The following GALNT13 variants were observed in gnomAD, a reference collection of about 807,000 sequenced individuals.
The protein encoded by GALNT13 is UDP-GalNAc:polypeptide N-acetylgalactosaminyltransferase 13.
Under a neutral mutation model 64.2 loss-of-function variants are expected in GALNT13, and 28 were observed. The ratio of observed to expected loss-of-function variants is 0.44; its 90% CI spans 0.32 to 0.60. The LOEUF (loss-of-function observed/expected upper bound fraction) is 0.60. Among genes scored for constraint, GALNT13 ranks in the 20% least tolerant of loss-of-function variants. GALNT13 has a pLI of 0.05. For missense variants in GALNT13, 577 were observed against 669.8 expected (o/e 0.86, Z 1.53); for synonymous variants, 214 against 224.6 (o/e 0.95, Z 0.42).
intron 3 of GALNT13, among the ~76,000 whole-genome samples, chr2:154,057,923 T>C (rs191908929): frequency 6.6e-6 from 1 of 152,292 alleles, no homozygotes; most frequent in Non-Finnish European, 1.5e-5. Flanking sequence ...AATATATTAA[T>C]TTATCCGTTT....
chr2:153,367,028 A>G, the GALNT13 span, among the ~76,000 whole-genome samples: 3 of 150,200 alleles, frequency 2.0e-5, no homozygotes, highest in African/African-American at 7.3e-5. Flanking sequence ...AAAAAAAAAC[A>G]AGGAAATTCA....
At chr2:153,995,033 A>T (rs1412377274) in intron 3 of GALNT13, among the ~76,000 whole-genome samples, 1 of 152,054 alleles carries the variant, frequency 6.6e-6, no homozygotes, top group Admixed American at 6.6e-5. Context: ...TTTTTATCTT[A>T]TTGAGAAATA....
At chr2:153,658,947 C>T in the GALNT13 span, among the ~76,000 whole-genome samples, 1 of 151,892 alleles carries the variant, frequency 6.6e-6, no homozygotes, top group African/African-American at 2.4e-5. Context: ...ATATATTTGT[C>T]ATTTCAATAT....
At chr2:153,097,140 A>G in the GALNT13 span, among the ~76,000 whole-genome samples, 1,261 of 152,272 alleles carry the variant, frequency 8.3e-3, 18 homozygotes, top group African/African-American at 0.029. Flanking sequence ...GCAAAAGGAA[A>G]ACTAATAAAA....
chr2:153,987,790 G>A (rs773509353), intron 3 of GALNT13, among the ~76,000 whole-genome samples: 9 of 151,736 alleles, frequency 5.9e-5, no homozygotes, highest in Admixed American at 1.3e-4. Context: ...TTGACTTCAA[G>A]CATCTTTGCA....
intron 3 of GALNT13, among the ~76,000 whole-genome samples, chr2:154,108,999 C>A (rs1359568494): frequency 6.6e-6 from 1 of 151,892 alleles, no homozygotes; most frequent in African/African-American, 2.4e-5. Flanking sequence ...CTTTTTTTAA[C>A]TCATGATTAC....
At chr2:153,387,893 A>G in the GALNT13 span, among the ~76,000 whole-genome samples, 1 of 152,074 alleles carries the variant, frequency 6.6e-6, no homozygotes, top group Non-Finnish European at 1.5e-5. Context: ...CACATGGTAC[A>G]GTAGTATTCA....
At chr2:153,650,291 G>T in the GALNT13 span, among the ~76,000 whole-genome samples, 1 of 151,972 alleles carries the variant, frequency 6.6e-6, no homozygotes. Flanking sequence ...TGCAACCCCT[G>T]CCTTTTTTTG....
upstream of GALNT13, among the ~76,000 whole-genome samples, chr2:153,869,738 A>C (rs1003135565): frequency 3.3e-5 from 5 of 152,166 alleles, no homozygotes; most frequent in Admixed American, 6.5e-5. Flanking sequence ...ATATTATAAA[A>C]ACAGCCTCAA....
At chr2:154,133,566 A>ATATATC (rs1682766838) in intron 3 of GALNT13, among the ~76,000 whole-genome samples, 1 of 49,918 alleles carries the variant, frequency 2.0e-5, no homozygotes, top group East Asian at 3.9e-4. Context: ...ATATATATAT[A>ATATATC]TATATATATA....
intron 3 of GALNT13, among the ~76,000 whole-genome samples, chr2:154,127,336 C>G (rs1682343694): frequency 6.6e-6 from 1 of 152,068 alleles, no homozygotes; most frequent in Non-Finnish European, 1.5e-5. Context: ...TGGAAGGCTA[C>G]TGTGCCATAA....
the GALNT13 span, among the ~76,000 whole-genome samples, chr2:153,271,266 C>G: frequency 6.6e-6 from 1 of 152,150 alleles, no homozygotes; most frequent in African/African-American, 2.4e-5. Context: ...GAAGTTCTGG[C>G]TAGGGCAATC....
At chr2:153,709,288 AAAAAC>A in the GALNT13 span, among the ~76,000 whole-genome samples, 1 of 152,006 alleles carries the variant, frequency 6.6e-6, no homozygotes, top group Non-Finnish European at 1.5e-5. Flanking sequence ...CAACAACAAC[AAAAAC>A]AAAACAAACA....
At chr2:153,084,860 G>C in the GALNT13 span, among the ~76,000 whole-genome samples, 1 of 152,214 alleles carries the variant, frequency 6.6e-6, no homozygotes, top group Non-Finnish European at 1.5e-5. Context: ...GGGTGCTGCT[G>C]TAAAGATACC....
At chr2:153,741,165 G>A in the GALNT13 span, among the ~76,000 whole-genome samples, 55 of 151,946 alleles carry the variant, frequency 3.6e-4, no homozygotes, top group African/African-American at 1.3e-3. Context: ...AACAATGTAA[G>A]TCTCACTATC....
chr2:154,332,541 C>G (rs1447005323), intron 9 of GALNT13, among the ~76,000 whole-genome samples: 1 of 151,892 alleles, frequency 6.6e-6, no homozygotes, highest in African/African-American at 2.4e-5. Context: ...TTTATGGGAC[C>G]CATTTGTCTA....
the GALNT13 span, among the ~76,000 whole-genome samples, chr2:153,541,509 A>G: frequency 1.3e-5 from 2 of 152,208 alleles, no homozygotes; most frequent in Non-Finnish European, 2.9e-5. Context: ...TGTGGGTCAT[A>G]GAAACCAGAA....
At chr2:154,030,173 T>C (rs1698249312) in intron 3 of GALNT13, among the ~76,000 whole-genome samples, 2 of 151,680 alleles carry the variant, frequency 1.3e-5, no homozygotes, top group African/African-American at 4.8e-5. Flanking sequence ...AAAAAATCAA[T>C]GAGAGACACC....
At chr2:153,630,584 C>A in the GALNT13 span, among the ~76,000 whole-genome samples, 3 of 146,242 alleles carry the variant, frequency 2.1e-5, no homozygotes, top group African/African-American at 7.6e-5. Context: ...ACCAACATGG[C>A]ACATGTATAC....
Sources: allele counts gnomAD v4.1 joint callset (sites outside exome capture counted in the v4.1 genomes callset), GRCh38; gene constraint gnomAD v4.1.1; transcripts MANE v1.5; gene names NCBI Gene and HGNC (gene_info 2026-07-23, HGNC 2026-07-21).